Variants in NEDD9 observed in about 807,000 individuals in gnomAD.
NEDD9 encodes neural precursor cell expressed, developmentally down-regulated 9, also known as enhancer of filamentation 1.
Under a neutral mutation model 76.6 loss-of-function variants are expected in NEDD9, and 26 were observed. The ratio of observed to expected loss-of-function variants is 0.34; its 90% CI spans 0.25 to 0.47. NEDD9 has a LOEUF of 0.47. NEDD9 is among the 20% of genes least tolerant of loss of function. The pLI is 1.00. For missense variants in NEDD9, 937 were observed against 1,058.5 expected, an observed-to-expected ratio of 0.89 and a Z score of 1.59; for synonymous variants, 392 against 414.2, an observed-to-expected ratio of 0.95 and a Z score of 0.65.
chr6:11,186,517 G>C (rs190870168), intron 6 of NEDD9, among the ~76,000 whole-genome samples: 50 of 152,314 alleles, frequency 3.3e-4, no homozygotes, highest in Admixed American at 3.1e-3. Flanking sequence ...CTGAGCTTCA[G>C]ACTCAGTTAA....
intron 3 of NEDD9, among the ~76,000 whole-genome samples, chr6:11,302,950 C>T (rs546029875): frequency 1.7e-4 from 26 of 152,180 alleles, no homozygotes; most frequent in East Asian, 1.5e-3. Context: ...CTTTGAAAAC[C>T]GGCACAAGAC....
At chr6:11,218,128 C>T (rs756878303) in intron 1 of NEDD9, among the ~76,000 whole-genome samples, 3 of 152,224 alleles carry the variant, frequency 2.0e-5, no homozygotes, top group Non-Finnish European at 2.9e-5. Context: ...GATATTTCTT[C>T]TGCATTCCAG....
At chr6:11,224,577 A>G (rs192354152) in intron 1 of NEDD9, among the ~76,000 whole-genome samples, 3 of 152,238 alleles carry the variant, frequency 2.0e-5, no homozygotes, top group African/African-American at 7.2e-5. Context: ...CCAAACTCTC[A>G]GTCATGCCAC....
At chr6:11,194,929 C>T (rs1458805445) in intron 2 of NEDD9, among the ~76,000 whole-genome samples, 1 of 152,232 alleles carries the variant, frequency 6.6e-6, no homozygotes, top group East Asian at 1.9e-4. Context: ...GCCTAACCCC[C>T]ACCCTTTGAG....
At chr6:11,350,694 A>C (rs1762449333) in intron 1 of NEDD9, among the ~76,000 whole-genome samples, 1 of 152,180 alleles carries the variant, frequency 6.6e-6, no homozygotes, top group Non-Finnish European at 1.5e-5. Context: ...GCCCCTACTT[A>C]GTGCCAGAGG....
intron 3 of NEDD9, among the ~76,000 whole-genome samples, chr6:11,262,388 C>T (rs112776636): frequency 0.015 from 2,211 of 152,306 alleles, 53 homozygotes; most frequent in African/African-American, 0.051. Context: ...CTCCTTACCA[C>T]CCCATACCCT....
chr6:11,209,149 A>T (rs1053939854), intron 2 of NEDD9, among the ~76,000 whole-genome samples: 3 of 152,236 alleles, frequency 2.0e-5, no homozygotes, highest in Admixed American at 6.5e-5. Context: ...TGGGGCAGAC[A>T]TGATATGGTT....
chr6:11,306,869 T>TCCAGTC (rs1401598881), intron 2 of NEDD9, among the ~76,000 whole-genome samples: 1 of 152,210 alleles, frequency 6.6e-6, no homozygotes, highest in African/African-American at 2.4e-5. Context: ...GACTGGGCTT[T>TCCAGTC]CGGTGAGTTA....
intron 1 of NEDD9, among the ~76,000 whole-genome samples, chr6:11,335,746 T>TA (rs1252413791): frequency 1.3e-5 from 2 of 152,242 alleles, no homozygotes; most frequent in African/African-American, 4.8e-5. Flanking sequence ...AATGTGTTGA[T>TA]AGTAATTGTT....
intron 1 of NEDD9, among the ~76,000 whole-genome samples, chr6:11,368,610 T>TA (rs149567835): frequency 6.6e-6 from 1 of 152,338 alleles, no homozygotes; most frequent in Non-Finnish European, 1.5e-5. Context: ...AAGCTAACTT[T>TA]AAAAAACCCT....
At position 11,240,713 on chromosome 6, in the gene NEDD9, C is replaced by G. The variant is rs573419698; in HGVS notation, c.13-26986G>C. On this transcript the variant is annotated intron_variant, in intron 3 of 3. Transcript: ENST00000397378. ...TTAGGTGTTAAATAAATTCACTCGA[C>G]TCTAGTGAAATGTGACAAGCAATTG... Among the ~76,000 whole-genome samples, 2 of 152,308 alleles carry G rather than the reference C, an allele frequency of 1.3e-5. 1 individual carries two copies. Among genetic ancestry groups the G allele is most frequent in the East Asian group, 3.9e-4 (2 of 5,182 alleles).
chr6:11,261,906 G>T (rs368555333), intron 3 of NEDD9, among the ~76,000 whole-genome samples: 3 of 152,084 alleles, frequency 2.0e-5, no homozygotes, highest in Non-Finnish European at 2.9e-5. Context: ...TTAGATTCTC[G>T]TCTTACCCTG....
intron 1 of NEDD9, chr6:11,352,106 C>T (rs1762482641): frequency 6.6e-6 from 1 of 152,380 alleles, no homozygotes; most frequent in South Asian, 2.1e-4. Context: ...AGTCTCCCTG[C>T]TCTTTCATGG....
chr6:11,185,122 A>G lies in NEDD9; in HGVS notation c.*40T>C, dbSNP rs374787385. 2 of 1,551,190 alleles carry G rather than the reference A, an allele frequency of 1.3e-6. No homozygotes were observed. Among genetic ancestry groups the G allele is most frequent in the Non-Finnish European group, 1.7e-6 (2 of 1,146,382 alleles). ...CCAGACAGTATTTCCAGTTTTCCTT[A>G]GTAACCGTTAACGCAGTCCCCTTCC... On this transcript the variant is annotated 3_prime_UTR_variant, in exon 7 of 7. Coordinates refer to ENST00000379446, the MANE Select transcript of NEDD9 (RefSeq NM_006403.4).
chr6:11,205,163 G>A (rs528266717), intron 2 of NEDD9, among the ~76,000 whole-genome samples: 2 of 152,350 alleles, frequency 1.3e-5, no homozygotes, highest in South Asian at 4.1e-4. Flanking sequence ...CTCACTGGAG[G>A]CAGCAAGTTA....
At chr6:11,206,425 T>TA (rs967997019) in intron 2 of NEDD9, among the ~76,000 whole-genome samples, 7 of 150,406 alleles carry the variant, frequency 4.7e-5, no homozygotes, top group East Asian at 1.9e-4. Flanking sequence ...ATCTCAAAAA[T>TA]AAAAAAAAAG....
At chr6:11,349,352 G>T (rs1211572058) in intron 1 of NEDD9, among the ~76,000 whole-genome samples, 1 of 152,194 alleles carries the variant, frequency 6.6e-6, no homozygotes, top group Non-Finnish European at 1.5e-5. Context: ...ATTGTGGAAA[G>T]CAGCGTGGTG....
intron 3 of NEDD9, among the ~76,000 whole-genome samples, chr6:11,299,550 C>A (rs1235744029): frequency 6.6e-6 from 1 of 152,200 alleles, no homozygotes; most frequent in Non-Finnish European, 1.5e-5. Flanking sequence ...AGACTGCCTC[C>A]TCAAGTGGGT....
intron 2 of NEDD9, among the ~76,000 whole-genome samples, chr6:11,329,852 A>G (rs1005680811): frequency 2.0e-5 from 3 of 152,222 alleles, no homozygotes; most frequent in Admixed American, 6.5e-5. Flanking sequence ...CCCACCCCCA[A>G]CAAAGAAGAA....
Sources: gnomAD v4.1 joint callset for allele counts (sites outside exome capture counted in the v4.1 genomes callset) on GRCh38, gnomAD v4.1.1 for gene constraint, MANE v1.5 for transcripts, NCBI Gene and HGNC (gene_info 2026-07-23, HGNC 2026-07-21) for gene names.